Variants in ZSCAN1 observed in about 807,000 individuals in gnomAD.
ZSCAN1 encodes the protein zinc finger and SCAN domain-containing protein 1.
ZSCAN1 carries 23 observed loss-of-function variants against 23.8 expected under a neutral mutation model. The ratio of observed to expected loss-of-function variants is 0.97; its 90% confidence interval spans 0.70 to 1.37. ZSCAN1 has a LOEUF of 1.37. Among genes scored for constraint, ZSCAN1 ranks in the 40% most tolerant of loss-of-function variants. The pLI, the probability that ZSCAN1 is intolerant of heterozygous loss-of-function variation, is 0.00. For missense variants in ZSCAN1, 575 were observed against 554.0 expected (o/e 1.04, Z -0.38); for synonymous variants, 236 against 232.3 (o/e 1.02, Z -0.15).
rs1599905320 is a variant in ZSCAN1, at chr19:58,045,665, T to C, written c.465+5121T>C. On this transcript the variant is annotated intron_variant, in intron 4 of 5. Coordinates refer to ENST00000282326, the MANE Select transcript of ZSCAN1 (RefSeq NM_182572.4). The surrounding 1 kb of genome is among the most constrained non-coding windows in gnomAD (Gnocchi z 4.3). ...GACAAGCTGTTTGCTGAGGAAGGGG[T>C]GGACAGCCTGAACGTCAAGGAGCTG... 8.8e-6 allele frequency: 8 copies of C among 912,512 alleles called. No individual in the cohort carries two copies. The Admixed American group carries it at 1.4e-4, about 16-fold the overall frequency. The allele number at this position is 912,512 out of a possible 1,614,324, so 56.5% of individuals were successfully genotyped here.
intron 2 of ZSCAN1, among the ~76,000 whole-genome samples, chr19:58,036,381 A>G (rs1407048380): frequency 6.6e-6 from 1 of 152,216 alleles, no homozygotes; most frequent in African/African-American, 2.4e-5. Context: ...AGTCCAGAGT[A>G]CAATTGTTAA....
chr19:58,047,833 T>C lies in ZSCAN1; in HGVS notation c.466-4657T>C, dbSNP rs564062752. 4.0e-3 allele frequency among the ~76,000 whole-genome samples: 608 copies of C among 152,348 alleles called. 4 individuals carry two copies. Among genetic ancestry groups the C allele is most frequent in the African/African-American group, 0.014 (586 of 41,590 alleles). On this transcript the variant is annotated intron_variant, in intron 4 of 5. Transcript: ENST00000282326. This position sits in a 1 kb window ranked among gnomAD's most constrained non-coding sequence, Gnocchi z 4.9. ...CCCGCAGTGCTTAGGGTTTACCCTG[T>C]GCCCTCTGGGTGGGGTGGCCTCCCT...
chr19:58,038,430 C>T (rs891572701), intron 3 of ZSCAN1: 4 of 629,630 alleles, frequency 6.4e-6, no homozygotes, highest in Non-Finnish European at 1.1e-5. Flanking sequence ...ATTAAAGATC[C>T]CTCCATTTCC....
At chr19:58,038,240 C>G in intron 3 of ZSCAN1, 34 bp downstream of exon 3, 1 of 1,575,054 alleles carries the variant, frequency 6.3e-7, no homozygotes, top group Non-Finnish European at 8.6e-7. Context: ...CCGGGCCGGG[C>G]CAGGGGGCCT....
At chr19:58,052,012 C>T (rs966371407) in intron 4 of ZSCAN1, among the ~76,000 whole-genome samples, 1 of 152,222 alleles carries the variant, frequency 6.6e-6, no homozygotes, top group Non-Finnish European at 1.5e-5. Context: ...TCTGTGAAGT[C>T]GCCCACTTCC....
At chr19:58,041,215 C>A (rs2073786934) in intron 4 of ZSCAN1, among the ~76,000 whole-genome samples, 1 of 152,254 alleles carries the variant, frequency 6.6e-6, no homozygotes, top group South Asian at 2.1e-4. Flanking sequence ...AAGGGAAACA[C>A]AGCACGGTCG....
intron 5 of ZSCAN1, 89 bp downstream of exon 5, chr19:58,052,717 G>T: frequency 6.7e-7 from 1 of 1,491,492 alleles, no homozygotes. Flanking sequence ...GGGTTGAGTT[G>T]GGTGCTTCGG....
chr19:58,046,620 C>T, intron 4 of ZSCAN1: 1 of 843,438 alleles, frequency 1.2e-6, no homozygotes, highest in Non-Finnish European at 2.1e-6. Flanking sequence ...TCAACGTCGA[C>T]CACCTCATCA....
chr19:58,044,613 G>A (rs1016686801), intron 4 of ZSCAN1: 12 of 1,050,220 alleles, frequency 1.1e-5, no homozygotes, highest in Admixed American at 4.1e-5. Flanking sequence ...ATGAGGAGCT[G>A]CCGCGGCTGG....
In ZSCAN1 at chr19:58,044,501, C is replaced by T. The variant is rs2073810818; in HGVS notation, c.465+3957C>T. 12 of 413,846 alleles carry T rather than the reference C, an allele frequency of 2.9e-5. No individual in the cohort carries two copies. The South Asian group carries it at 3.8e-4, about 13-fold the overall frequency. 25.6% of individuals were successfully genotyped at this position (413,846 alleles called of 1,614,324 possible). A position where few individuals can be genotyped will look rare whatever the true frequency, so the allele number is the denominator to read the frequency against. ...GTCCGCACGGACGGCGCCTGAGGAG[C>T]CACCGAGACGGCGAAGAGCCGCGGC... On this transcript the variant is annotated intron_variant, in intron 4 of 5. Coordinates refer to ENST00000282326, the MANE Select transcript of ZSCAN1 (RefSeq NM_182572.4).
rs866530579 is a variant in ZSCAN1 at position 58,053,265 on chromosome 19, C to T, written c.605-164C>T. ...AGCCACTGCACCGGCCACATGTGCC[C>T]TTGTATCTTAAAGGACAGAACGGAG... On this transcript the variant is annotated intron_variant, in intron 5 of 5. Coordinates refer to ENST00000282326, the MANE Select transcript of ZSCAN1 (RefSeq NM_182572.4). The surrounding 1 kb of genome is among the most constrained non-coding windows in gnomAD (Gnocchi z 5.8). 1.3e-5 allele frequency among the ~76,000 whole-genome samples: 2 copies of T among 152,106 alleles called. No individual in the cohort carries two copies. Among genetic ancestry groups the T allele is most frequent in the African/African-American group, 2.4e-5 (1 of 41,412 alleles).
intron 4 of ZSCAN1, chr19:58,044,925 T>G (rs2073814961): frequency 1.1e-6 from 1 of 904,458 alleles, no homozygotes; most frequent in East Asian, 2.4e-5. Flanking sequence ...CTTCGCGCCC[T>G]GTTGGTGATG....
rs2073750070 is a variant in ZSCAN1 at position 58,037,886 on chromosome 19, C to G, written c.50C>G (p.Pro17Arg). 1.9e-6 allele frequency: 3 copies of G among 1,575,006 alleles called. No individual in the cohort carries two copies. Among genetic ancestry groups the G allele is most frequent in the Non-Finnish European group, 8.6e-7 (1 of 1,165,000 alleles). ...APASPRRPQT[P>R]TPSEQDADPG... ...GCCTCCCCCAGACGCCCCCAGACCC[C>G]AACCCCGAGTGAGCAGGACGCAGAC... Residue 17 changes from proline to arginine, a missense_variant, in exon 3 of 6, where the codon CCA becomes CGA. By Grantham distance (103) the Pro-to-Arg change is moderately radical. Coordinates refer to ENST00000282326, the MANE Select transcript of ZSCAN1 (RefSeq NM_182572.4).
rs760176672 is a variant in ZSCAN1, at chr19:58,053,709, C to T, written c.885C>T (p.Ala295=). The change falls in exon 6 of 6, where the codon GCC becomes GCT. Residue 295 remains alanine, a synonymous_variant. Transcript: ENST00000282326. The surrounding 1 kb of genome is among the most constrained non-coding windows in gnomAD (Gnocchi z 5.8). ...GPRGGRPFQC[A]DCGMVFTWVT... ...GAGGTGGGCGGCCCTTCCAGTGTGC[C>T]GACTGTGGGATGGTCTTCACCTGGG... 2.4e-5 allele frequency: 38 copies of T among 1,613,964 alleles called. No homozygotes were observed. Among genetic ancestry groups the T allele is most frequent in the Admixed American group, 1.2e-4 (7 of 60,000 alleles).
chr19:58,050,939 G>A (rs2073855261), intron 4 of ZSCAN1, among the ~76,000 whole-genome samples: 1 of 152,076 alleles, frequency 6.6e-6, no homozygotes, highest in Non-Finnish European at 1.5e-5. Flanking sequence ...CAATAAACCT[G>A]GGTCCACCTC....
Position 58,040,539 on chromosome 19 carries a change from T to C in ZSCAN1, c.460T>C (p.Ser154Pro), listed in dbSNP as rs764551513. The C allele has an allele frequency of 7.4e-6, 12 of 1,613,268 alleles. No homozygotes were observed. Among genetic ancestry groups the C allele is most frequent in the Non-Finnish European group, 9.3e-6 (11 of 1,179,948 alleles). The change falls in exon 4 of 6, where the codon TCG becomes CCG. Residue 154 changes from serine (S) to proline (P), a missense_variant. Physicochemically the swap from Ser to Pro is moderately conservative, Grantham distance 74. Coordinates refer to ENST00000282326, the MANE Select transcript of ZSCAN1 (RefSeq NM_182572.4). The surrounding 1 kb of genome is among the most constrained non-coding windows in gnomAD (Gnocchi z 5.8). The part of the protein sequence containing the change: ...GKSPRSQKEP[S>P]QASELILDAV... Reference sequence around the variant, plus strand: ...GAGTCCAAGGTCCCAGAAAGAACCATCGCAGGTGAGCCCGGGGCCCCCAGC... The same window carrying C: ...GAGTCCAAGGTCCCAGAAAGAACCACCGCAGGTGAGCCCGGGGCCCCCAGC...
intron 3 of ZSCAN1, 149 bp downstream of exon 3, chr19:58,038,355 T>G: frequency 9.7e-7 from 1 of 1,030,334 alleles, no homozygotes. Flanking sequence ...GCTGTGTTTT[T>G]AATTATTTTT....
In ZSCAN1 at chr19:58,054,369, C is replaced by T. The variant is rs2073879471; in HGVS notation, c.*318C>T. Reference sequence around the variant, plus strand: ...CTTTCAGAAGCCTTGTCCAGGTCTCCCTGTTAGCACCTGACTCAGCGGCAG... The same window carrying T: ...CTTTCAGAAGCCTTGTCCAGGTCTCTCTGTTAGCACCTGACTCAGCGGCAG... On this transcript the variant is annotated 3_prime_UTR_variant, in exon 6 of 6. Coordinates refer to ENST00000282326, the MANE Select transcript of ZSCAN1 (RefSeq NM_182572.4). The surrounding 1 kb of genome is among the most constrained non-coding windows in gnomAD (Gnocchi z 4.2). The T allele has an allele frequency of 3.9e-6, 1 of 258,936 alleles. No individual in the cohort carries two copies. Among genetic ancestry groups the T allele is most frequent in the Non-Finnish European group, 7.4e-6 (1 of 136,018 alleles). 16.0% of individuals were successfully genotyped at this position (258,936 alleles called of 1,614,324 possible). A position where few individuals can be genotyped will look rare whatever the true frequency, so the allele number is the denominator to read the frequency against.
intron 4 of ZSCAN1, among the ~76,000 whole-genome samples, chr19:58,051,988 G>A (rs1008178229): frequency 1.3e-5 from 2 of 152,246 alleles, no homozygotes; most frequent in Non-Finnish European, 2.9e-5. Context: ...ATAGGTCGCA[G>A]GTGGGATGTG....
Sources: allele counts gnomAD v4.1 joint callset (sites outside exome capture counted in the v4.1 genomes callset), GRCh38; gene constraint gnomAD v4.1.1; non-coding constraint Gnocchi (gnomAD v3.1); transcripts MANE v1.5; gene names NCBI Gene and HGNC (gene_info 2026-07-23, HGNC 2026-07-21).